Variants in ALPK1 observed in about 807,000 individuals in gnomAD.
ALPK1 encodes the protein alpha-protein kinase 1.
A neutral mutation model predicts 120.6 loss-of-function variants in ALPK1; 110 were observed. The ratio of observed to expected loss-of-function variants is 0.91; its 90% CI spans 0.78 to 1.07. The LOEUF (loss-of-function observed/expected upper bound fraction) is 1.07, where lower values mean the gene tolerates loss of function less well. Among genes scored for constraint, ALPK1 ranks in the 50% least tolerant of loss-of-function variants. The pLI, the probability that ALPK1 is intolerant of heterozygous loss-of-function variation, is 0.00. For missense variants in ALPK1, 1,498 were observed against 1,483.9 expected, an observed-to-expected ratio of 1.01 and a Z score of -0.16; for synonymous variants, 582 against 560.3, an observed-to-expected ratio of 1.04 and a Z score of -0.55.
At chr4:112,416,654 C>T (rs1733758900) in intron 5 of ALPK1, among the ~76,000 whole-genome samples, 1 of 151,920 alleles carries the variant, frequency 6.6e-6, no homozygotes, top group Non-Finnish European at 1.5e-5. Flanking sequence ...TGGGAGGGAT[C>T]GCATGAGCCC....
intron 12 of ALPK1, 40 bp from the exon 13 acceptor site, chr4:112,438,444 C>T: frequency 1.3e-6 from 2 of 1,599,400 alleles, no homozygotes; most frequent in Non-Finnish European, 1.7e-6. Context: ...TAAGTAAGAC[C>T]ACTTTTGCAT....
At chr4:112,300,619 A>G (rs948789336) in intron 1 of ALPK1, among the ~76,000 whole-genome samples, 7 of 151,224 alleles carry the variant, frequency 4.6e-5, no homozygotes, top group Admixed American at 4.0e-4. Context: ...AACACTTACT[A>G]TTGGTTCATT....
At chr4:112,387,663 T>C (rs1457847755) in intron 4 of ALPK1, among the ~76,000 whole-genome samples, 1 of 151,978 alleles carries the variant, frequency 6.6e-6, no homozygotes, top group African/African-American at 2.4e-5. Flanking sequence ...TGCCCTGGAG[T>C]GATTTGAAAA....
At chr4:112,405,076 A>G (rs1560673138) in intron 4 of ALPK1, among the ~76,000 whole-genome samples, 1 of 152,156 alleles carries the variant, frequency 6.6e-6, no homozygotes, top group African/African-American at 2.4e-5. Context: ...GAAGCTGATC[A>G]ATATTCTGCT....
Position 112,441,466 on chromosome 4 carries a change from C to A in ALPK1, c.*256C>A, listed in dbSNP as rs231253. 1.8e-6 allele frequency: 1 copy of A among 541,432 alleles called. No individual in the cohort carries two copies. Among genetic ancestry groups the A allele is most frequent in the Non-Finnish European group, 3.3e-6 (1 of 303,500 alleles). 33.5% of individuals were successfully genotyped at this position (541,432 alleles called of 1,614,324 possible). A position where few individuals can be genotyped will look rare whatever the true frequency, so the allele number is the denominator to read the frequency against. ...TCACCCATGAGGGATGAAAAGCACT[C>A]TTGAGAAAGGCATGTGTTGTTTAAG... On this transcript the variant is annotated 3_prime_UTR_variant, in exon 16 of 16. Transcript: ENST00000650871.
rs766157837 is a variant in ALPK1 at position 112,432,015 on chromosome 4, C to A, written c.2468C>A (p.Pro823His). 1 of 1,614,034 alleles carries A rather than the reference C, an allele frequency of 6.2e-7. No individual in the cohort carries two copies. The highest frequency in any genetic ancestry group is 8.5e-7 in the Non-Finnish European group (1 of 1,179,944). ...ISMLPCSSFT[P>H]NWPVQNPDSR... The stretch of plus-strand genomic sequence containing the variant: ...ATGCTGCCATGTAGCTCCTTCACCC[C>A]TAATTGGCCTGTTCAAAATCCTGAC... The change falls in exon 11 of 16, where the codon CCT becomes CAT. Residue 823 changes from proline to histidine, a missense_variant. Physicochemically the swap from Pro to His is moderately conservative, Grantham distance 77. Transcript: ENST00000650871.
At chr4:112,438,681 C>G in intron 13 of ALPK1, 35 bp downstream of exon 13, 2 of 1,595,900 alleles carry the variant, frequency 1.3e-6, no homozygotes, top group Non-Finnish European at 1.7e-6. Flanking sequence ...TTGGATCTTC[C>G]AAATCACACT....
intron 10 of ALPK1, among the ~76,000 whole-genome samples, 192 bp from the exon 11 acceptor site, chr4:112,430,256 C>G (rs963156472): frequency 6.6e-6 from 1 of 152,186 alleles, no homozygotes; most frequent in Non-Finnish European, 1.5e-5. Context: ...CCCATCCCTT[C>G]TTCTGATTCA....
At chr4:112,419,040 T>G (rs1733872365) in intron 5 of ALPK1, among the ~76,000 whole-genome samples, 1 of 152,228 alleles carries the variant, frequency 6.6e-6, no homozygotes, top group African/African-American at 2.4e-5. Flanking sequence ...CCACAGATTG[T>G]TAGAATTAAG....
intron 1 of ALPK1, among the ~76,000 whole-genome samples, chr4:112,312,367 G>A (rs912062063): frequency 1.3e-5 from 2 of 151,972 alleles, no homozygotes; most frequent in East Asian, 1.9e-4. Flanking sequence ...TCCGCCTCCC[G>A]GGTCACGTCA....
chr4:112,440,023 T>C, intron 14 of ALPK1, 151 bp downstream of exon 14: 1 of 723,094 alleles, frequency 1.4e-6, no homozygotes, highest in East Asian at 3.0e-5. Context: ...ATATAGCAAA[T>C]AATTCCTGAA....
intron 4 of ALPK1, among the ~76,000 whole-genome samples, chr4:112,391,970 GA>G (rs10710586): frequency 0.16 from 24,178 of 150,450 alleles, 2,669 homozygotes; most frequent in African/African-American, 0.32. Flanking sequence ...CAGTCCACAG[GA>G]AAAAAAAACA....
Position 112,433,572 on chromosome 4 carries a change from G to A in ALPK1, c.3034+991G>A, listed in dbSNP as rs201885916. On this transcript the variant is annotated intron_variant, in intron 11 of 15. Coordinates refer to ENST00000650871, the MANE Select transcript of ALPK1 (RefSeq NM_025144.4). ...ACAGCCCAATGTCACTGCCCAAAGC[G>A]GGAAGCCTGGGCTGGAGCCACCTAG... Among the ~76,000 whole-genome samples the A allele has an allele frequency of 1.1e-4, 16 of 152,322 alleles. No homozygotes were observed. In the East Asian group the frequency reaches 1.3e-3, roughly 13 times the overall value.
chr4:112,417,502 T>G (rs1733795940), intron 5 of ALPK1, among the ~76,000 whole-genome samples: 1 of 152,202 alleles, frequency 6.6e-6, no homozygotes, highest in Non-Finnish European at 1.5e-5. Context: ...TTTTATTTTT[T>G]GGGGGACACG....
At chr4:112,359,265 A>G (rs745875563) in intron 2 of ALPK1, 2 of 516,474 alleles carry the variant, frequency 3.9e-6, no homozygotes, top group Non-Finnish European at 7.0e-6. Flanking sequence ...CCAGCATGCC[A>G]TGAGCGCCTA....
chr4:112,313,192 GA>G (rs1315764262), intron 1 of ALPK1, among the ~76,000 whole-genome samples: 1 of 152,214 alleles, frequency 6.6e-6, no homozygotes, highest in Non-Finnish European at 1.5e-5. Context: ...ACCATGAACT[GA>G]ATGAAGTCAC....
At chr4:112,321,450 G>T (rs1391297047) in intron 2 of ALPK1, among the ~76,000 whole-genome samples, 42 of 152,008 alleles carry the variant, frequency 2.8e-4, no homozygotes, top group Admixed American at 2.8e-3. Flanking sequence ...TTGTCTATTT[G>T]TGTTCTTTCA....
intron 2 of ALPK1, among the ~76,000 whole-genome samples, chr4:112,368,523 A>G (rs894370266): frequency 6.6e-6 from 1 of 152,156 alleles, no homozygotes. Flanking sequence ...TCAGGAGCTC[A>G]TGCGTCTTAG....
At chr4:112,324,136 G>T (rs377377719) in intron 2 of ALPK1, among the ~76,000 whole-genome samples, 14 of 152,108 alleles carry the variant, frequency 9.2e-5, no homozygotes, top group African/African-American at 3.1e-4. Context: ...GACCATCCTG[G>T]CTAATACAGT....
Sources: allele counts gnomAD v4.1 joint callset (sites outside exome capture counted in the v4.1 genomes callset), GRCh38; gene constraint gnomAD v4.1.1; transcripts MANE v1.5; gene names NCBI Gene and HGNC (gene_info 2026-07-23, HGNC 2026-07-21).